The following TEX14 variants were observed in gnomAD, a reference collection of about 807,000 sequenced individuals.
TEX14 encodes the protein inactive serine/threonine-protein kinase TEX14.
TEX14 carries 168 observed loss-of-function variants against 178.6 expected under a neutral mutation model. That is an observed-to-expected ratio of 0.94 (90% CI 0.83 to 1.07). The LOEUF is 1.07. TEX14 is among the 50% of genes least tolerant of loss of function. The pLI is 0.00. For missense variants in TEX14, 1,730 were observed against 1,753.6 expected (o/e 0.99, Z 0.24); for synonymous variants, 626 against 634.1 (o/e 0.99, Z 0.19).
intron 10 of TEX14, among the ~76,000 whole-genome samples, chr17:58,610,934 T>C (rs62081266): frequency 1.3e-5 from 2 of 151,930 alleles, no homozygotes; most frequent in African/African-American, 2.4e-5. Flanking sequence ...ATAGCATTTA[T>C]GCACATTGGC....
At chr17:58,577,528 C>A in intron 20 of TEX14, 72 bp from the exon 21 acceptor site, 1 of 489,374 alleles carries the variant, frequency 2.0e-6, no homozygotes. Flanking sequence ...AAATTATTGT[C>A]ACCATTCCCT....
At chr17:58,572,378 C>T (rs1287524057) in intron 23 of TEX14, among the ~76,000 whole-genome samples, 1 of 152,128 alleles carries the variant, frequency 6.6e-6, no homozygotes, top group Non-Finnish European at 1.5e-5. Context: ...CGCCTGTAAT[C>T]CCAGCACTTT....
At chr17:58,643,025 C>T (rs1404036254) in intron 2 of TEX14, among the ~76,000 whole-genome samples, 2 of 152,202 alleles carry the variant, frequency 1.3e-5, no homozygotes, top group African/African-American at 2.4e-5. Context: ...AAAGCAGAAA[C>T]ATGTCTTATT....
At chr17:58,581,865 T>C in intron 19 of TEX14, 1 of 928,250 alleles carries the variant, frequency 1.1e-6, no homozygotes, top group Non-Finnish European at 1.6e-6. Flanking sequence ...TGACTCTCCC[T>C]ACCTCTTTGT....
chr17:58,656,894 G>C (rs897516391), intron 1 of TEX14, among the ~76,000 whole-genome samples: 1 of 138,942 alleles, frequency 7.2e-6, no homozygotes, highest in African/African-American at 2.7e-5. Flanking sequence ...TTGCACTCCA[G>C]CGTGGGTGAC....
chr17:58,571,845 G>A (rs1414144217), intron 24 of TEX14, 76 bp downstream of exon 24: 2 of 1,296,822 alleles, frequency 1.5e-6, no homozygotes, highest in Admixed American at 1.8e-5. Flanking sequence ...TGAATTTGGA[G>A]AAATCTTGGC....
chr17:58,684,484 C>G (rs929605094), intron 1 of TEX14, among the ~76,000 whole-genome samples: 2 of 150,000 alleles, frequency 1.3e-5, no homozygotes, highest in Non-Finnish European at 3.0e-5. Context: ...AAATTGCTTC[C>G]ATATTAGCCG....
chr17:58,609,077 A>G (rs1316603727), intron 10 of TEX14, among the ~76,000 whole-genome samples: 1 of 152,186 alleles, frequency 6.6e-6, no homozygotes, highest in East Asian at 1.9e-4. Flanking sequence ...CCCATCTAGA[A>G]AAGTGTCATG....
chr17:58,628,669 G>A (rs985015709), intron 3 of TEX14, among the ~76,000 whole-genome samples: 6 of 150,204 alleles, frequency 4.0e-5, no homozygotes, highest in Middle Eastern at 3.2e-3. Context: ...CCGAGATTGC[G>A]CCACTGCACT....
chr17:58,639,426 C>A (rs2046519416), intron 2 of TEX14, among the ~76,000 whole-genome samples: 1 of 151,876 alleles, frequency 6.6e-6, no homozygotes, highest in Non-Finnish European at 1.5e-5. Context: ...GTTGGCCGGG[C>A]GCGGTGGCTC....
intron 1 of TEX14, among the ~76,000 whole-genome samples, chr17:58,666,338 A>G (rs1331727559): frequency 2.0e-5 from 3 of 151,946 alleles, no homozygotes; most frequent in African/African-American, 7.2e-5. Context: ...ATAGAGCAAG[A>G]CTGTGTCCCA....
chr17:58,615,428 C>G lies in TEX14; in HGVS notation c.768-83G>C, dbSNP rs187950631. On this transcript the variant is annotated intron_variant, in intron 7 of 31. Transcript: ENST00000349033. ...ATGAATAAGCTTTCCTAAGCAAGGA[C>G]CAGAGAAATGGTCTCCACACAGAAC... 4.5e-6 allele frequency: 4 copies of G among 881,238 alleles called. No homozygotes were observed. In the South Asian group the frequency reaches 5.4e-5, roughly 12 times the overall value. 54.6% of individuals were successfully genotyped at this position (881,238 alleles called of 1,614,324 possible).
At chr17:58,616,728 C>T (rs192613944) in intron 6 of TEX14, among the ~76,000 whole-genome samples, 4 of 152,306 alleles carry the variant, frequency 2.6e-5, no homozygotes, top group African/African-American at 7.2e-5. Context: ...CTCACCACAA[C>T]TCTTTATATT....
At chr17:58,583,036 T>C (rs1199027608) in intron 19 of TEX14, among the ~76,000 whole-genome samples, 1 of 150,270 alleles carries the variant, frequency 6.7e-6, no homozygotes, top group Non-Finnish European at 1.5e-5. Flanking sequence ...AGTGGCGCAA[T>C]GACAGCTCAC....
Position 58,663,356 on chromosome 17 carries a change from A to G in TEX14, c.-1-11354T>C, listed in dbSNP as rs2047151876. Among the ~76,000 whole-genome samples the G allele has an allele frequency of 1.4e-5, 2 of 144,822 alleles. 1 individual carries two copies. The highest frequency in any genetic ancestry group is 4.8e-4 in the South Asian group (2 of 4,200). ...AGAATTGCTTGAACGTGGGAGGCGG[A>G]GGTTGCAGTAAGCCGAGATCACACC... On this transcript the variant is annotated intron_variant, in intron 1 of 31. Transcript: ENST00000349033.
In TEX14 at chr17:58,611,265, G is replaced by GT; in HGVS notation, c.1079dup (p.Tyr360Ter). 6.2e-7 allele frequency: 1 copy of GT among 1,610,456 alleles called. No individual in the cohort carries two copies. Among genetic ancestry groups the GT allele is most frequent in the Non-Finnish European group, 8.5e-7 (1 of 1,176,834 alleles). The change falls in exon 10 of 32, where the codon TAC becomes TAAC. Residue 360 changes from tyrosine to a stop codon, truncating the protein, a stop_gained and frameshift_variant. Coordinates refer to ENST00000349033, the MANE Select transcript of TEX14 (RefSeq NM_031272.5). LOFTEE classifies it high-confidence loss of function. ...GGTGGATAAACCCCTGGAAATGCAG[G>GT]TATCTCAGGGCATCAGATATCTGGA... ...LLLQISDALRYLHFQGFIHRS... is the reference protein window; with the variant it reads ...LLLQISDALR
chr17:58,642,564 G>C (rs1258570919), intron 2 of TEX14, among the ~76,000 whole-genome samples: 1 of 149,834 alleles, frequency 6.7e-6, no homozygotes, highest in African/African-American at 2.5e-5. Flanking sequence ...TTTCGCTCTT[G>C]TTGACCAGGC....
chr17:58,631,735 G>T (rs562883648), intron 2 of TEX14: 1 of 144,684 alleles, frequency 6.9e-6, no homozygotes, highest in Non-Finnish European at 1.6e-5. Flanking sequence ...CCACTCGTGA[G>T]AGAACACAAA....
chr17:58,617,635 A>G lies in TEX14; in HGVS notation c.555-16T>C. The G allele has an allele frequency of 6.3e-7, 1 of 1,595,826 alleles. No individual in the cohort carries two copies. Among genetic ancestry groups the G allele is most frequent in the Non-Finnish European group, 8.6e-7 (1 of 1,166,136 alleles). The stretch of plus-strand genomic sequence containing the variant: ...ATTAGGGTTTCTAGAAATATTTAAA[A>G]CAGGAAAAAAACCTCAGAATTAACC... On this transcript the variant is annotated splice_polypyrimidine_tract_variant and intron_variant, in intron 5 of 31. Coordinates refer to ENST00000349033, the MANE Select transcript of TEX14 (RefSeq NM_031272.5).
Sources: gnomAD v4.1 joint callset for allele counts (sites outside exome capture counted in the v4.1 genomes callset) on GRCh38, gnomAD v4.1.1 for gene constraint, MANE v1.5 for transcripts, NCBI Gene and HGNC (gene_info 2026-07-23, HGNC 2026-07-21) for gene names.